WWOX: variants seen among roughly 807,000 people sequenced by gnomAD.
WWOX encodes the protein WW domain-containing oxidoreductase.
A neutral mutation model predicts 46.2 loss-of-function variants in WWOX; 69 were observed. The observed-to-expected ratio is 1.49, with a 90% CI of 1.23 to 1.82. The LOEUF (loss-of-function observed/expected upper bound fraction) is 1.82. WWOX is among the 40% of genes most tolerant of loss of function. WWOX has a pLI of 0.00. For missense variants in WWOX, 919 were observed against 542.6 expected (o/e 1.69, Z -6.89); for synonymous variants, 359 against 202.6 (o/e 1.77, Z -6.56).
intron 8 of WWOX, among the ~76,000 whole-genome samples, chr16:79,028,680 A>G (rs1356848071): frequency 6.6e-6 from 1 of 151,788 alleles, no homozygotes. Context: ...GACATTACAC[A>G]TAAGCCCCCA....
At chr16:78,970,484 A>G (rs918828773) in intron 8 of WWOX, among the ~76,000 whole-genome samples, 1 of 152,208 alleles carries the variant, frequency 6.6e-6, no homozygotes, top group Non-Finnish European at 1.5e-5. Context: ...GGTACTACCT[A>G]ATAAAACCAG....
intron 8 of WWOX, among the ~76,000 whole-genome samples, chr16:78,474,498 A>C (rs1392002400): frequency 6.6e-6 from 1 of 152,160 alleles, no homozygotes; most frequent in Non-Finnish European, 1.5e-5. Context: ...GTTCCCTTTT[A>C]GATTTTCTTG....
At chr16:78,936,771 A>AT in intron 8 of WWOX, among the ~76,000 whole-genome samples, 1 of 152,286 alleles carries the variant, frequency 6.6e-6, no homozygotes, top group South Asian at 2.1e-4. Context: ...AAGTAAAAAA[A>AT]AAGTCAGTGC....
At chr16:78,385,134 A>AACACAAACACAC (rs1555530199) in intron 5 of WWOX, among the ~76,000 whole-genome samples, 2 of 143,050 alleles carry the variant, frequency 1.4e-5, no homozygotes, top group Non-Finnish European at 3.0e-5. Flanking sequence ...ACTCCATCTA[A>AACACAAACACAC]ACACACACAC....
At chr16:78,382,278 A>C (rs1039333419) in intron 5 of WWOX, among the ~76,000 whole-genome samples, 3 of 152,208 alleles carry the variant, frequency 2.0e-5, no homozygotes, top group Admixed American at 6.5e-5. Context: ...AAATGTGAGC[A>C]GAAGCAACAC....
intron 5 of WWOX, among the ~76,000 whole-genome samples, chr16:78,301,028 C>G (rs1211803266): frequency 6.6e-6 from 1 of 152,044 alleles, no homozygotes; most frequent in African/African-American, 2.4e-5. Flanking sequence ...ATGCATCCAT[C>G]CATCCATCCA....
intron 8 of WWOX, among the ~76,000 whole-genome samples, chr16:78,557,884 A>G (rs1322677559): frequency 6.6e-6 from 1 of 151,822 alleles, no homozygotes; most frequent in Non-Finnish European, 1.5e-5. Flanking sequence ...TTTAGTAGAA[A>G]CAGTGTTTCA....
At chr16:78,984,435 C>T (rs2046745131) in intron 8 of WWOX, among the ~76,000 whole-genome samples, 1 of 152,188 alleles carries the variant, frequency 6.6e-6, no homozygotes, top group South Asian at 2.1e-4. Flanking sequence ...CCCAACTCTG[C>T]TGTTGTAGTG....
chr16:78,370,860 T>C (rs886903421), intron 5 of WWOX, among the ~76,000 whole-genome samples: 3 of 151,880 alleles, frequency 2.0e-5, no homozygotes, highest in African/African-American at 7.2e-5. Flanking sequence ...GTTTTTGTTT[T>C]CTATTTCTGT....
At chr16:78,130,232 C>T (rs1157928574) in intron 4 of WWOX, 1 of 152,142 alleles carries the variant, frequency 6.6e-6, no homozygotes. Context: ...AATACAGGGG[C>T]CTCTGGGAGG....
At chr16:78,513,708 A>G (rs761635611) in intron 8 of WWOX, among the ~76,000 whole-genome samples, 4 of 152,206 alleles carry the variant, frequency 2.6e-5, no homozygotes, top group East Asian at 1.9e-4. Flanking sequence ...GAGAAATACA[A>G]TACTTATCAG....
At chr16:78,477,626 T>C (rs1353777674) in intron 8 of WWOX, among the ~76,000 whole-genome samples, 1 of 152,194 alleles carries the variant, frequency 6.6e-6, no homozygotes, top group Non-Finnish European at 1.5e-5. Context: ...TTTTTTTCAA[T>C]TTGATAATTA....
intron 5 of WWOX, among the ~76,000 whole-genome samples, chr16:78,325,058 G>T: frequency 6.6e-6 from 1 of 152,204 alleles, no homozygotes; most frequent in East Asian, 1.9e-4. Flanking sequence ...CATGCTGGAA[G>T]CCTGGCTTGT....
chr16:79,196,680 A>T (rs1187102118), intron 8 of WWOX, among the ~76,000 whole-genome samples: 1 of 150,032 alleles, frequency 6.7e-6, no homozygotes. Flanking sequence ...CTACCTCCAG[A>T]CCCCCAGGGA....
intron 8 of WWOX, among the ~76,000 whole-genome samples, chr16:78,986,059 A>G (rs376598857): frequency 3.9e-5 from 6 of 152,340 alleles, no homozygotes; most frequent in African/African-American, 1.4e-4. Flanking sequence ...AAGCTTGTCC[A>G]CGATGGCATG....
At chr16:78,914,349 G>C (rs1043456387) in intron 8 of WWOX, among the ~76,000 whole-genome samples, 2 of 152,184 alleles carry the variant, frequency 1.3e-5, no homozygotes, top group East Asian at 3.9e-4. Flanking sequence ...ACTTAGAACA[G>C]TACCTGGCAT....
intron 8 of WWOX, among the ~76,000 whole-genome samples, chr16:78,717,947 C>T (rs1480154835): frequency 6.6e-6 from 1 of 151,828 alleles, no homozygotes; most frequent in East Asian, 1.9e-4. Flanking sequence ...TAAATGGATC[C>T]ACTTTTACTA....
intron 8 of WWOX, among the ~76,000 whole-genome samples, chr16:78,636,035 G>A (rs77453769): frequency 2.0e-3 from 308 of 152,288 alleles, no homozygotes; most frequent in African/African-American, 7.1e-3. Context: ...CGGTCCTTAT[G>A]CTCGCTGCGG....
intron 5 of WWOX, among the ~76,000 whole-genome samples, chr16:78,275,521 A>C (rs1383962526): frequency 6.6e-6 from 1 of 152,218 alleles, no homozygotes; most frequent in African/African-American, 2.4e-5. Flanking sequence ...TCTGCATCTC[A>C]AAGGATGAGT....
Sources: gnomAD v4.1 joint callset for allele counts (sites outside exome capture counted in the v4.1 genomes callset) on GRCh38, gnomAD v4.1.1 for gene constraint, MANE v1.5 for transcripts, NCBI Gene and HGNC (gene_info 2026-07-23, HGNC 2026-07-21) for gene names.